The following DNAH17 variants were observed in gnomAD, a reference collection of about 807,000 sequenced individuals.
The protein encoded by DNAH17 is dynein axonemal heavy chain 17.
Under a neutral mutation model 485.6 loss-of-function variants are expected in DNAH17, and 376 were observed. That is an observed-to-expected ratio of 0.77 (90% CI 0.71 to 0.84). The LOEUF is 0.84. DNAH17 is among the 40% of genes least tolerant of loss of function. The probability of loss-of-function intolerance (pLI) is 0.00; values close to 1 mark genes in which losing one functional copy is unlikely to be tolerated. For missense variants in DNAH17, 6,370 were observed against 5,839.3 expected (o/e 1.09, Z -2.96); for synonymous variants, 3,031 against 2,405.9 (o/e 1.26, Z -7.60).
Position 78,514,792 on chromosome 17 carries a change from C to T in DNAH17, c.4095G>A (p.Gln1365=), listed in dbSNP as rs2090736349. The stretch of plus-strand genomic sequence containing the variant: ...ATGGTACCTGGGTGGCCTGCATGAG[C>T]TGCTGCCAGTGGCGTTCCCGAATGG... ...NPAIRERHWQ[Q]LMQATQVKFK... is the part of the protein sequence containing the mutation. The change falls in exon 26 of 81, where the codon CAG becomes CAA. Residue 1365 remains glutamine (Q), a synonymous_variant. Transcript: ENST00000389840. The T allele has an allele frequency of 6.2e-7, 1 of 1,613,850 alleles. No individual in the cohort carries two copies. The highest frequency in any genetic ancestry group is 8.5e-7 in the Non-Finnish European group (1 of 1,179,892).
chr17:78,570,913 T>TCC (rs1019961302), intron 6 of DNAH17, 35 bp downstream of exon 6: 7 of 938,098 alleles, frequency 7.5e-6, no homozygotes, highest in Non-Finnish European at 1.1e-5. Context: ...AACAAGACCC[T>TCC]CCCCACCAAA....
chr17:78,459,130 C>T lies in DNAH17; in HGVS notation c.9732G>A (p.Trp3244Ter). The change falls in exon 61 of 81, where the codon TGG (tryptophan) becomes TGA (stop). Residue 3244 changes from tryptophan (W) to a stop codon, truncating the protein, a stop_gained. Coordinates refer to ENST00000389840, the MANE Select transcript of DNAH17 (RefSeq NM_173628.4). LOFTEE classifies it high-confidence loss of function. ...KSTAAAGLCS[W>*]CINIVRFYEV... ...CGTAGAAGCGGACGATGTTGATGCACCAGGAGCACAGGCCGGCGGCGGCCG... is the reference window on the plus strand; with the variant it reads ...CGTAGAAGCGGACGATGTTGATGCATCAGGAGCACAGGCCGGCGGCGGCCG... 1.2e-6 allele frequency: 2 copies of T among 1,614,036 alleles called. No homozygotes were observed. The highest frequency in any genetic ancestry group is 1.7e-6 in the Non-Finnish European group (2 of 1,179,900).
chr17:78,571,558 G>T (rs771430755), intron 4 of DNAH17, 32 bp downstream of exon 4: 1 of 1,611,808 alleles, frequency 6.2e-7, no homozygotes, highest in South Asian at 1.1e-5. Flanking sequence ...CTGGGACGAG[G>T]CTGCAGCCCC....
At chr17:78,439,244 A>C (rs757896098) in intron 72 of DNAH17, 27 bp from the exon 73 acceptor site, 105 of 1,591,952 alleles carry the variant, frequency 6.6e-5, no homozygotes, top group Non-Finnish European at 8.6e-5. Flanking sequence ...CAGGAAAAAA[A>C]CACCACGTAA....
At chr17:78,478,064 C>CCATCACCACCACCAT (rs2089144013) in intron 51 of DNAH17, among the ~76,000 whole-genome samples, 1 of 144,732 alleles carries the variant, frequency 6.9e-6, no homozygotes, top group African/African-American at 2.6e-5. Context: ...ATCATCTCCA[C>CCATCACCACCACCAT]CATCACCACC....
chr17:78,480,793 G>T lies in DNAH17; in HGVS notation c.7650-7C>A. ...CAGCTTATGTCTGTCATACCTGAGGGGGGAAACCAGCATTCATGTTGTGCC... is the reference window on the plus strand; with the variant it reads ...CAGCTTATGTCTGTCATACCTGAGGTGGGAAACCAGCATTCATGTTGTGCC... On this transcript the variant is annotated splice_polypyrimidine_tract_variant and splice_region_variant and intron_variant, in intron 48 of 80. Transcript: ENST00000389840. The T allele has an allele frequency of 6.2e-7, 1 of 1,605,632 alleles. No homozygotes were observed. Among genetic ancestry groups the T allele is most frequent in the South Asian group, 1.1e-5 (1 of 90,278 alleles).
In DNAH17 at chr17:78,562,277, G is replaced by C. The variant is rs75580533; in HGVS notation, c.1570-297C>G. On this transcript the variant is annotated intron_variant, in intron 11 of 80. Coordinates refer to ENST00000389840, the MANE Select transcript of DNAH17 (RefSeq NM_173628.4). ...CTAGGAAAAATCAGAATTCTGGTAA[G>C]GAAGACTTAAACAATTAAAAAATAG... 5.7e-3 allele frequency among the ~76,000 whole-genome samples: 872 copies of C among 152,186 alleles called. 22 individuals carry two copies. Among genetic ancestry groups the C allele is most frequent in the East Asian group, 0.046 (239 of 5,188 alleles).
rs753953443 is a variant in DNAH17 at position 78,569,456 on chromosome 17, G to A, written c.1116C>T (p.Gly372=). The A allele has an allele frequency of 1.9e-6, 3 of 1,611,854 alleles. No individual in the cohort carries two copies. Among genetic ancestry groups the A allele is most frequent in the East Asian group, 4.5e-5 (2 of 44,830 alleles). ...TCAGCACATTTACAGCCAGGGAGAT[G>A]CCACTCAGGACTTCCTCGATTTCAC... is the stretch of plus-strand genomic sequence containing the variant. The part of the protein sequence containing the change: ...LQGEIEEVLS[G]ISLAVNVLKE... Residue 372 remains glycine, a synonymous_variant, in exon 8 of 81, where the codon GGC becomes GGT. Coordinates refer to ENST00000389840, the MANE Select transcript of DNAH17 (RefSeq NM_173628.4).
chr17:78,466,275 C>A (rs1037474678), intron 56 of DNAH17, among the ~76,000 whole-genome samples: 2 of 152,096 alleles, frequency 1.3e-5, no homozygotes, highest in Non-Finnish European at 2.9e-5. Context: ...TCTCAAGTAC[C>A]CAGGGACACA....
chr17:78,572,290 C>G (rs1031950976), intron 3 of DNAH17, among the ~76,000 whole-genome samples: 3 of 152,036 alleles, frequency 2.0e-5, no homozygotes, highest in African/African-American at 7.3e-5. Flanking sequence ...AGCCTCTACA[C>G]AGACTTGCAT....
intron 54 of DNAH17, among the ~76,000 whole-genome samples, chr17:78,469,100 A>T (rs922823801): frequency 6.6e-6 from 1 of 152,110 alleles, no homozygotes; most frequent in South Asian, 2.1e-4. Flanking sequence ...AGTAACTGGG[A>T]TTACAGGCAC....
At position 78,543,872 on chromosome 17, in the gene DNAH17, G is replaced by T; in HGVS notation, c.2517C>A (p.Ile839=). The change falls in exon 17 of 81, where the codon ATC becomes ATA. Residue 839 remains isoleucine (I), a synonymous_variant. Transcript: ENST00000389840. ...GTTTCCTTACTGCAACCATGGCTTG[G>T]ATCTTCACTCCAGCATCCCTGACTG... ...YAAVRDAGVK[I]QAMVAENAEL... 1.2e-6 allele frequency: 2 copies of T among 1,614,026 alleles called. No individual in the cohort carries two copies. The highest frequency in any genetic ancestry group is 1.3e-5 in the African/African-American group (1 of 75,058).
At position 78,558,142 on chromosome 17, in the gene DNAH17, C is replaced by T. The variant is rs2092068470; in HGVS notation, c.2144G>A (p.Gly715Asp). The change falls in exon 14 of 81, where the codon GGC becomes GAC. Residue 715 changes from glycine (G) to aspartate (D), a missense_variant. Physicochemically the swap from Gly to Asp is moderately conservative, Grantham distance 94. Coordinates refer to ENST00000389840, the MANE Select transcript of DNAH17 (RefSeq NM_173628.4). ...CCAGCCAACGATGAGCTCCAGGTTG[C>T]CCACAAACTTCCGGAAAGTTTCGTT... Reference protein sequence around the residue: ...SENETFRKFVGNLELIVGWYN... With the variant: ...SENETFRKFVDNLELIVGWYN... The T allele has an allele frequency of 6.2e-7, 1 of 1,613,736 alleles. No homozygotes were observed. Among genetic ancestry groups the T allele is most frequent in the Non-Finnish European group, 8.5e-7 (1 of 1,179,792 alleles).
At chr17:78,511,856 C>T (rs567446364) in intron 26 of DNAH17, among the ~76,000 whole-genome samples, 11 of 152,328 alleles carry the variant, frequency 7.2e-5, no homozygotes, top group African/African-American at 2.2e-4. Context: ...CCAGGGCACC[C>T]GGAAGGGGCA....
chr17:78,459,717 G>C, intron 60 of DNAH17, 67 bp downstream of exon 60: 5 of 1,569,682 alleles, frequency 3.2e-6, no homozygotes, highest in Non-Finnish European at 4.4e-6. Context: ...CTTCACCTCA[G>C]CATCGTGCCT....
intron 62 of DNAH17, among the ~76,000 whole-genome samples, chr17:78,456,530 T>C (rs2146514700): frequency 6.6e-6 from 1 of 152,242 alleles, no homozygotes; most frequent in East Asian, 1.9e-4. Flanking sequence ...AGGACCACGG[T>C]GGCCACAGAA....
rs116365379 is a variant in DNAH17 at position 78,572,921 on chromosome 17, G to A, written c.346-27C>T. Reference sequence around the variant, plus strand: ...TAAAAGGAAACACTTCTGTGGTTCCGCCCCCTGTGCCTTCACCAGCTCGGC... The same window carrying A: ...TAAAAGGAAACACTTCTGTGGTTCCACCCCCTGTGCCTTCACCAGCTCGGC... On this transcript the variant is annotated intron_variant, in intron 2 of 80. Transcript: ENST00000389840. The A allele has an allele frequency of 3.7e-3, 5,895 of 1,594,682 alleles. 145 individuals are homozygous for A. The African/African-American group carries it at 0.059, about 16-fold the overall frequency.
At chr17:78,576,179 C>A (rs1412388656) in intron 1 of DNAH17, among the ~76,000 whole-genome samples, 1 of 152,138 alleles carries the variant, frequency 6.6e-6, no homozygotes, top group Non-Finnish European at 1.5e-5. Flanking sequence ...TTTGGTTTGA[C>A]CCAAGCTATT....
Position 78,491,428 on chromosome 17 carries a change from C to A in DNAH17, c.6669+15G>T. ...CTTGGGTGGCCTTGGGGCTTAGAGT[C>A]CAGGGCCCGCGAACCTTGTTGTCAT... On this transcript the variant is annotated intron_variant, in intron 43 of 80. Transcript: ENST00000389840. 1 of 1,610,928 alleles carries A rather than the reference C, an allele frequency of 6.2e-7. No individual in the cohort carries two copies. The highest frequency in any genetic ancestry group is 8.5e-7 in the Non-Finnish European group (1 of 1,178,622).
Sources: gnomAD v4.1 joint callset for allele counts (sites outside exome capture counted in the v4.1 genomes callset) on GRCh38, gnomAD v4.1.1 for gene constraint, MANE v1.5 for transcripts, NCBI Gene and HGNC (gene_info 2026-07-23, HGNC 2026-07-21) for gene names.